The following EXOC4 variants were observed in gnomAD, a reference collection of about 807,000 sequenced individuals.
The protein encoded by EXOC4 is SEC8-like 1.
In EXOC4, 71 loss-of-function variants were observed where a neutral mutation model predicts 107.2. The observed-to-expected ratio is 0.66, with a 90% CI of 0.55 to 0.81. The LOEUF is 0.81. Among genes scored for constraint, EXOC4 ranks in the 30% least tolerant of loss-of-function variants. The pLI, the probability that EXOC4 is intolerant of heterozygous loss-of-function variation, is 0.00. For missense variants in EXOC4, 1,108 were observed against 1,189.6 expected (o/e 0.93, Z 1.01); for synonymous variants, 456 against 441.2 (o/e 1.03, Z -0.42).
At chr7:133,901,123 G>A (rs918444389) in intron 12 of EXOC4, among the ~76,000 whole-genome samples, 1 of 152,120 alleles carries the variant, frequency 6.6e-6, no homozygotes, top group Non-Finnish European at 1.5e-5. Flanking sequence ...ACCCACCTCG[G>A]CCTCCCAAAG....
chr7:133,538,839 A>AAAAG (rs200950060), intron 9 of EXOC4, among the ~76,000 whole-genome samples: 3 of 118,424 alleles, frequency 2.5e-5, no homozygotes, highest in Non-Finnish European at 5.3e-5. Flanking sequence ...TCTTGAAAGA[A>AAAAG]AAAGAAAGAA....
At chr7:133,440,166 A>G (rs939193194) in intron 7 of EXOC4, among the ~76,000 whole-genome samples, 3 of 152,130 alleles carry the variant, frequency 2.0e-5, no homozygotes, top group Admixed American at 1.3e-4. Context: ...TACACTCTTC[A>G]GGAAGTTGTC....
intron 10 of EXOC4, among the ~76,000 whole-genome samples, chr7:133,789,068 T>C (rs1467543346): frequency 6.6e-6 from 1 of 152,174 alleles, no homozygotes; most frequent in Admixed American, 6.5e-5. Context: ...TTTCTTGCCA[T>C]ATAGTCTGGT....
chr7:133,567,542 C>T (rs1201975141), intron 9 of EXOC4, among the ~76,000 whole-genome samples: 3 of 152,070 alleles, frequency 2.0e-5, no homozygotes, highest in African/African-American at 4.8e-5. Flanking sequence ...CTGGCAGTGG[C>T]GTTTGCAGGC....
intron 14 of EXOC4, among the ~76,000 whole-genome samples, chr7:133,953,324 G>A (rs910650655): frequency 2.6e-5 from 4 of 151,988 alleles, no homozygotes; most frequent in Admixed American, 6.6e-5. Context: ...GTGGCCAGGC[G>A]CAGTGGCTCA....
chr7:134,029,952 A>G (rs1255450483), intron 17 of EXOC4, among the ~76,000 whole-genome samples: 1 of 152,238 alleles, frequency 6.6e-6, no homozygotes, highest in East Asian at 1.9e-4. Flanking sequence ...AACTGTTTCA[A>G]TATCTGGAAC....
chr7:133,767,012 CT>C (rs1422320061), intron 10 of EXOC4, among the ~76,000 whole-genome samples: 1 of 151,976 alleles, frequency 6.6e-6, no homozygotes, highest in Non-Finnish European at 1.5e-5. Context: ...ATTTCCCTTA[CT>C]TATCCTAGTG....
At chr7:133,698,544 G>T (rs4728297) in intron 10 of EXOC4, among the ~76,000 whole-genome samples, 148,519 of 150,560 alleles carry the variant, frequency 0.99, 73,299 homozygotes, top group Middle Eastern at 1. Flanking sequence ...ATCACGCCAC[G>T]GCACTCCAGC....
rs939856860 is a variant in EXOC4, at chr7:133,832,606, C to T, written c.1734+15062C>T. On this transcript the variant is annotated intron_variant, in intron 11 of 17. Coordinates refer to ENST00000253861, the MANE Select transcript of EXOC4 (RefSeq NM_021807.4). ...TACACTCAGCAATATGCTTAAGATT[C>T]ATTCATGGCTTTTCACGACTTGATA... Among the ~76,000 whole-genome samples, 6 of 152,330 alleles carry T rather than the reference C, an allele frequency of 3.9e-5. No individual in the cohort carries two copies. The South Asian group carries it at 1.0e-3, about 26-fold the overall frequency.
At chr7:133,415,568 G>A (rs1227537910) in intron 7 of EXOC4, among the ~76,000 whole-genome samples, 10 of 152,026 alleles carry the variant, frequency 6.6e-5, no homozygotes, top group Non-Finnish European at 1.5e-4. Context: ...GATTTGTAAA[G>A]CATGTAAAAC....
At chr7:133,382,708 T>C (rs1348247061) in intron 7 of EXOC4, among the ~76,000 whole-genome samples, 1 of 152,210 alleles carries the variant, frequency 6.6e-6, no homozygotes, top group African/African-American at 2.4e-5. Flanking sequence ...TTTCTTTGAA[T>C]GGAAAACATT....
intron 14 of EXOC4, among the ~76,000 whole-genome samples, chr7:133,963,088 G>A (rs1437685611): frequency 6.6e-6 from 1 of 152,360 alleles, no homozygotes; most frequent in East Asian, 1.9e-4. Context: ...GCAAAGGAAG[G>A]GAGTACCGCA....
chr7:133,318,887 G>GT (rs1795047966), intron 5 of EXOC4, among the ~76,000 whole-genome samples: 1 of 152,122 alleles, frequency 6.6e-6, no homozygotes, highest in Non-Finnish European at 1.5e-5. Flanking sequence ...ACAATAGTTT[G>GT]TACTCCAGCC....
At chr7:133,763,492 G>C (rs1796074911) in intron 10 of EXOC4, among the ~76,000 whole-genome samples, 1 of 152,100 alleles carries the variant, frequency 6.6e-6, no homozygotes, top group Non-Finnish European at 1.5e-5. Flanking sequence ...CTGATGTGAT[G>C]TTGGCCAGAT....
chr7:133,467,974 A>C (rs552969680), intron 7 of EXOC4, among the ~76,000 whole-genome samples: 1 of 152,146 alleles, frequency 6.6e-6, no homozygotes, highest in African/African-American at 2.4e-5. Flanking sequence ...CACTGAGGGA[A>C]GGACTTATTT....
chr7:133,457,232 G>A (rs1010786431), intron 7 of EXOC4, among the ~76,000 whole-genome samples: 1 of 152,188 alleles, frequency 6.6e-6, no homozygotes, highest in East Asian at 1.9e-4. Flanking sequence ...AGACACAGGA[G>A]AGGTCAGTCT....
At chr7:133,929,801 G>A (rs1397606208) in intron 13 of EXOC4, among the ~76,000 whole-genome samples, 1 of 152,018 alleles carries the variant, frequency 6.6e-6, no homozygotes, top group African/African-American at 2.4e-5. Context: ...CCCCTGCCAA[G>A]GTTCACATCT....
At chr7:133,256,069 C>G (rs1288662139) in intron 1 of EXOC4, among the ~76,000 whole-genome samples, 2 of 151,998 alleles carry the variant, frequency 1.3e-5, no homozygotes, top group African/African-American at 4.8e-5. Flanking sequence ...GCAAGCTCCG[C>G]CTTCCGGGTT....
At chr7:133,990,584 T>C (rs977318612) in intron 14 of EXOC4, among the ~76,000 whole-genome samples, 1 of 152,058 alleles carries the variant, frequency 6.6e-6, no homozygotes, top group Non-Finnish European at 1.5e-5. Context: ...GCCTCCTGAG[T>C]AGCTAGGATT....
Sources: allele counts gnomAD v4.1 joint callset (sites outside exome capture counted in the v4.1 genomes callset), GRCh38; gene constraint gnomAD v4.1.1; transcripts MANE v1.5; gene names NCBI Gene and HGNC (gene_info 2026-07-23, HGNC 2026-07-21).